The following ZNF142 variants were observed in gnomAD, a reference collection of about 807,000 sequenced individuals.
The protein encoded by ZNF142 is zinc finger protein 142 (clone pHZ-49).
Under a neutral mutation model 132.1 loss-of-function variants are expected in ZNF142, and 96 were observed. The ratio of observed to expected loss-of-function variants is 0.73; its 90% CI spans 0.62 to 0.86. ZNF142 has a LOEUF of 0.86. Among genes scored for constraint, ZNF142 ranks in the 40% least tolerant of loss-of-function variants. ZNF142 has a pLI of 0.00. For missense variants in ZNF142, 2,163 were observed against 2,336.2 expected (o/e 0.93, Z 1.53); for synonymous variants, 842 against 890.1 (o/e 0.95, Z 0.96).
rs1012320511 is a variant in ZNF142 at position 218,635,618 on chromosome 2, C to G, written c.*2721G>C. ...GAAGTGTTGGGATTACAGGTGTGAG[C>G]CACCGTGCCCGGCCTTTGGGTGCAT... is the stretch of plus-strand genomic sequence containing the variant. On this transcript the variant is annotated 3_prime_UTR_variant, in exon 11 of 11. Transcript: ENST00000411696. 5.3e-5 allele frequency among the ~76,000 whole-genome samples: 8 copies of G among 152,182 alleles called. No homozygotes were observed. The highest frequency in any genetic ancestry group is 1.9e-4 in the African/African-American group (8 of 41,434).
At position 218,633,621 on chromosome 2, in the gene ZNF142, T is replaced by C. The variant is rs780039919; in HGVS notation, c.*4718A>G. ...CTTCTCCAGAAATCCAAGCCCATCTTGTGTCCAGCCCTCTCTTCCCTGGTT... is the reference window on the plus strand; with the variant it reads ...CTTCTCCAGAAATCCAAGCCCATCTCGTGTCCAGCCCTCTCTTCCCTGGTT... On this transcript the variant is annotated 3_prime_UTR_variant, in exon 11 of 11. Coordinates refer to ENST00000411696, the MANE Select transcript of ZNF142 (RefSeq NM_001379659.1). 1 of 1,613,690 alleles carries C rather than the reference T, an allele frequency of 6.2e-7. No individual in the cohort carries two copies. Among genetic ancestry groups the C allele is most frequent in the Non-Finnish European group, 8.5e-7 (1 of 1,179,598 alleles).
intron 8 of ZNF142, among the ~76,000 whole-genome samples, chr2:218,645,829 C>T (rs949875248): frequency 1.3e-5 from 2 of 152,198 alleles, no homozygotes; most frequent in African/African-American, 4.8e-5. Context: ...GTGGTGCAAT[C>T]TTGGCTCATT....
At chr2:218,653,990 C>T (rs1268164967) in intron 4 of ZNF142, among the ~76,000 whole-genome samples, 2 of 151,968 alleles carry the variant, frequency 1.3e-5, no homozygotes, top group Non-Finnish European at 2.9e-5. Context: ...GTAGGTGGGA[C>T]TACAGGCATC....
chr2:218,643,003 T>G lies in ZNF142; in HGVS notation c.4113A>C (p.Leu1371=). The part of the protein sequence containing the change: ...AAPARGPRPH[L]QCGDCGFTCK... ...AGGTGAAGCCACAGTCCCCACACTGTAGATGGGGCCGGGGCCCACGGGCTG... is the reference window on the plus strand; with the variant it reads ...AGGTGAAGCCACAGTCCCCACACTGGAGATGGGGCCGGGGCCCACGGGCTG... The change falls in exon 9 of 11, where the codon CTA becomes CTC. Residue 1371 remains leucine (L), a synonymous_variant. Transcript: ENST00000411696. 1 of 1,610,412 alleles carries G rather than the reference T, an allele frequency of 6.2e-7. No homozygotes were observed. Among genetic ancestry groups the G allele is most frequent in the Non-Finnish European group, 8.5e-7 (1 of 1,178,152 alleles).
In ZNF142 at chr2:218,649,256, C is replaced by T. The variant is rs762910278; in HGVS notation, c.1252G>A (p.Ala418Thr). ...THLLRELGEK[A>T]HHCPLCHYSA... ...TAGTGGCACAGTGGGCAGTGGTGGGCCTTTTCACCCAGCTCCCGCAGCAGA... is the reference window on the plus strand; with the variant it reads ...TAGTGGCACAGTGGGCAGTGGTGGGTCTTTTCACCCAGCTCCCGCAGCAGA... Residue 418 changes from alanine (A) to threonine (T), a missense_variant, in exon 7 of 11, where the codon GCC becomes ACC. Coordinates refer to ENST00000411696, the MANE Select transcript of ZNF142 (RefSeq NM_001379659.1). 1 of 1,614,228 alleles carries T rather than the reference C, an allele frequency of 6.2e-7. No homozygotes were observed.
intron 10 of ZNF142, among the ~76,000 whole-genome samples, chr2:218,639,636 G>A (rs901785997): frequency 6.7e-6 from 1 of 150,018 alleles, no homozygotes; most frequent in African/African-American, 2.5e-5. Context: ...GGAGGCTAAG[G>A]CAAGAAGATG....
In ZNF142 at chr2:218,644,599, C is replaced by A; in HGVS notation, c.2517G>T (p.Gly839=). 6.2e-7 allele frequency: 1 copy of A among 1,614,182 alleles called. No individual in the cohort carries two copies. Residue 839 remains glycine (G), a synonymous_variant, in exon 9 of 11, where the codon GGG becomes GGT. Transcript: ENST00000411696. The surrounding 1 kb of genome is among the most constrained non-coding windows in gnomAD (Gnocchi z 4.6). ...CCACAGTCCCAGGTTCGTGACCTGG[C>A]CCCTCAGGTCGGGCTGACAGCTGGT... is the stretch of plus-strand genomic sequence containing the variant. ...PSNQLSARPE[G]PGHEPGTVVD...
chr2:218,649,478 AG>A lies in ZNF142; in HGVS notation c.1049-20del. On this transcript the variant is annotated intron_variant, in intron 6 of 10. Transcript: ENST00000411696. ...ACATCCCCTGGGAAAGGGAATACAG[AG>A]AGTTGAGAGAGTGAGATTTTTCTGG... 6.6e-7 allele frequency: 1 copy of A among 1,519,748 alleles called. No individual in the cohort carries two copies. The highest frequency in any genetic ancestry group is 1.3e-5 in the South Asian group (1 of 79,054). 94.1% of individuals were successfully genotyped at this position (1,519,748 alleles called of 1,614,324 possible). A position where few individuals can be genotyped will look rare whatever the true frequency, so the allele number is the denominator to read the frequency against.
In ZNF142 at chr2:218,643,526, T is replaced by G. The variant is rs752627103; in HGVS notation, c.3590A>C (p.Lys1197Thr). The G allele has an allele frequency of 6.2e-7, 1 of 1,610,608 alleles. No homozygotes were observed. Among genetic ancestry groups the G allele is most frequent in the East Asian group, 2.2e-5 (1 of 44,696 alleles). Residue 1197 changes from lysine to threonine, a missense_variant, in exon 9 of 11, where the codon AAG becomes ACG. Physicochemically the swap from Lys to Thr is moderately conservative, Grantham distance 78. Transcript: ENST00000411696. ...AGNSSPTEAP[K>T]KHHLDPVPPA... is the part of the protein sequence containing the mutation. ...AGGGACTGGGTCAAGGTGGTGCTTCTTAGGGGCCTCCGTGGGTGAGGAGTT... is the reference window on the plus strand; with the variant it reads ...AGGGACTGGGTCAAGGTGGTGCTTCGTAGGGGCCTCCGTGGGTGAGGAGTT...
chr2:218,633,539 G>A lies in ZNF142; in HGVS notation c.*4800C>T. 1 of 1,547,414 alleles carries A rather than the reference G, an allele frequency of 6.5e-7. No homozygotes were observed. The highest frequency in any genetic ancestry group is 1.4e-5 in the African/African-American group (1 of 73,474). On this transcript the variant is annotated 3_prime_UTR_variant, in exon 11 of 11. Coordinates refer to ENST00000411696, the MANE Select transcript of ZNF142 (RefSeq NM_001379659.1). ...AGTGGGCAGAGGTTTAGGTTGGATG[G>A]CCATTATCTTCTTCTCTCTCAGACT... is the stretch of plus-strand genomic sequence containing the variant.
rs1451133111 is a variant in ZNF142 at position 218,638,324 on chromosome 2, AGGTG to A, written c.*11_*14del. 1 of 1,505,060 alleles carries A rather than the reference AGGTG, an allele frequency of 6.6e-7. No homozygotes were observed. Among genetic ancestry groups the A allele is most frequent in the African/African-American group, 1.4e-5 (1 of 71,418 alleles). 93.2% of individuals were successfully genotyped at this position (1,505,060 alleles called of 1,614,324 possible). A position where few individuals can be genotyped will look rare whatever the true frequency, so the allele number is the denominator to read the frequency against. On this transcript the variant is annotated 3_prime_UTR_variant, in exon 11 of 11. Transcript: ENST00000411696. ...AGACCATACCCTCTTCCTATACAGG[AGGTG>A]GGGCAGGCTTTCAGCCCTCAGGTCC...
chr2:218,649,624 CAA>C (rs1369307286), intron 6 of ZNF142, among the ~76,000 whole-genome samples, 165 bp from the exon 7 acceptor site: 1 of 152,190 alleles, frequency 6.6e-6, no homozygotes, highest in Non-Finnish European at 1.5e-5. Context: ...GTGAGAAACT[CAA>C]GTTTTAAGAG....
Position 218,638,559 on chromosome 2 carries a change from T to C in ZNF142, c.5444A>G (p.His1815Arg), listed in dbSNP as rs747278562. The C allele has an allele frequency of 7.4e-6, 12 of 1,611,122 alleles. No homozygotes were observed. The highest frequency in any genetic ancestry group is 7.6e-6 in the Non-Finnish European group (9 of 1,177,860). The change falls in exon 11 of 11, where the codon CAC becomes CGC. Residue 1815 changes from histidine (H) to arginine (R), a missense_variant. Around this residue, in one of 7 missense-constraint regions of ZNF142, gnomAD observed 325 missense variants for 367.8 expected, o/e 0.88. Transcript: ENST00000411696. ...GCAAAAGAAGGGGTGGCGGTCGGTGTGGGTGAGGGCATGATGGCGCAGGCC... is the reference window on the plus strand; with the variant it reads ...GCAAAAGAAGGGGTGGCGGTCGGTGCGGGTGAGGGCATGATGGCGCAGGCC... ...AAGLRHHALT[H>R]TDRHPFFCRL...
intron 4 of ZNF142, among the ~76,000 whole-genome samples, chr2:218,655,444 A>T (rs994970071): frequency 1.5e-4 from 23 of 152,208 alleles, no homozygotes; most frequent in Non-Finnish European, 3.1e-4. Context: ...TTCATCTGAG[A>T]TAAATACAAA....
In ZNF142 at chr2:218,644,810, C is replaced by T. The variant is rs763811479; in HGVS notation, c.2306G>A (p.Arg769His). Residue 769 changes from arginine to histidine, a missense_variant, in exon 9 of 11, where the codon CGC (arginine) becomes CAC (histidine). Physicochemically the swap from Arg to His is conservative, Grantham distance 29. Transcript: ENST00000411696. This position sits in a 1 kb window ranked among gnomAD's most constrained non-coding sequence, Gnocchi z 4.6. Reference protein sequence around the residue: ...VLSHENCKHTRLREFHCALCD... With the variant: ...VLSHENCKHTHLREFHCALCD... The stretch of plus-strand genomic sequence containing the variant: ...GAGGGCACAGTGGAACTCACGGAGG[C>T]GGGTATGCTTGCAGTTCTCATGGCT... The T allele has an allele frequency of 1.1e-5, 17 of 1,614,098 alleles. No homozygotes were observed. The highest frequency in any genetic ancestry group is 1.7e-5 in the Admixed American group (1 of 60,008).
Position 218,641,985 on chromosome 2 carries a change from C to G in ZNF142, c.5088+43G>C, listed in dbSNP as rs778597446. 2.3e-5 allele frequency: 37 copies of G among 1,587,150 alleles called. No homozygotes were observed. In the Middle Eastern group the frequency reaches 1.2e-3, roughly 50 times the overall value. On this transcript the variant is annotated intron_variant, in intron 9 of 10. Coordinates refer to ENST00000411696, the MANE Select transcript of ZNF142 (RefSeq NM_001379659.1). ...GAACCAAGGCAGTTTAACTCCAGAG[C>G]CTGTGCTCCTTCCACTTCCTGCCCC...
At chr2:218,640,795 G>A in intron 9 of ZNF142, 26 bp from the exon 10 acceptor site, 1 of 1,581,520 alleles carries the variant, frequency 6.3e-7, no homozygotes, top group Non-Finnish European at 8.7e-7. Flanking sequence ...GCAAAAAGCA[G>A]AAAATATAGT....
In ZNF142 at chr2:218,643,977, G is replaced by T. The variant is rs373309205; in HGVS notation, c.3139C>A (p.Arg1047=). The T allele has an allele frequency of 1.2e-6, 2 of 1,614,128 alleles. No homozygotes were observed. Among genetic ancestry groups the T allele is most frequent in the Non-Finnish European group, 1.7e-6 (2 of 1,180,012 alleles). ...GAGTGCAGATTCAGGGCCTTCTCCC[G>T]GCGAGTGATAAAAGGGCAGTGTGGG... ...RCPHCPFITR[R]EKALNLHSRT... is the part of the protein sequence containing the mutation. Residue 1047 remains arginine (R), a synonymous_variant, in exon 9 of 11, where the codon CGG becomes AGG. Transcript: ENST00000411696.
intron 10 of ZNF142, among the ~76,000 whole-genome samples, chr2:218,639,957 A>G (rs530257952): frequency 6.0e-4 from 87 of 145,204 alleles, no homozygotes; most frequent in Non-Finnish European, 1.0e-3. Context: ...TCGGGAGGCT[A>G]AGGCAGGAGA....
Sources: gnomAD v4.1 joint callset for allele counts (sites outside exome capture counted in the v4.1 genomes callset) on GRCh38, gnomAD v4.1.1 for gene constraint, gnomAD v4.1.1 regional missense constraint, Gnocchi (gnomAD v3.1) non-coding constraint, MANE v1.5 for transcripts, NCBI Gene and HGNC (gene_info 2026-07-23, HGNC 2026-07-21) for gene names.